Variants in GIPR observed in about 807,000 individuals in gnomAD.
GIPR encodes the protein gastric inhibitory polypeptide receptor, also known as GIP-R.
Under a neutral mutation model 62.2 loss-of-function variants are expected in GIPR, and 74 were observed. The observed-to-expected ratio is 1.19, with a 90% confidence interval of 0.99 to 1.44. GIPR has a LOEUF of 1.44. Among genes scored for constraint, GIPR ranks in the 40% most tolerant of loss-of-function variants. The pLI is 0.00. For missense variants in GIPR, 664 were observed against 611.8 expected (o/e 1.09, Z -0.90); for synonymous variants, 256 against 262.2 (o/e 0.98, Z 0.23).
chr19:45,676,818 T>C lies in GIPR; in HGVS notation c.634-131T>C, dbSNP rs1966952108. 3.7e-6 allele frequency: 3 copies of C among 803,838 alleles called. No individual in the cohort carries two copies. The East Asian group carries it at 7.6e-5, about 20-fold the overall frequency. 49.8% of individuals were successfully genotyped at this position (803,838 alleles called of 1,614,324 possible). ...TGAGAGAAACCAATCACAGATACCATTCACTGGGGACACAGAGTGGAAGAA... is the reference window on the plus strand; with the variant it reads ...TGAGAGAAACCAATCACAGATACCACTCACTGGGGACACAGAGTGGAAGAA... On this transcript the variant is annotated intron_variant, in intron 7 of 13. Coordinates refer to ENST00000590918, the MANE Select transcript of GIPR (RefSeq NM_000164.4).
At chr19:45,677,459 T>C (rs1967009440) in intron 9 of GIPR, 76 bp downstream of exon 9, 1 of 1,074,792 alleles carries the variant, frequency 9.3e-7, no homozygotes, top group Non-Finnish European at 1.4e-6. Flanking sequence ...GTGATGGACA[T>C]GTGGGCAGGG....
chr19:45,676,862 G>C (rs1966954468), intron 7 of GIPR, 87 bp from the exon 8 acceptor site: 1 of 1,172,188 alleles, frequency 8.5e-7, no homozygotes, highest in Admixed American at 1.7e-5. Flanking sequence ...GGCAAGAGAC[G>C]GGGTGGAAGG....
chr19:45,677,947 G>T lies in GIPR; in HGVS notation c.966G>T (p.Leu322=). Residue 322 remains leucine (L), a synonymous_variant, in exon 11 of 14, where the codon CTG becomes CTT. Transcript: ENST00000590918. ...TTATCCGCATTCTTGGCATTCTCCT[G>T]TCCAAGCTGAGGACACGGCAAATGC... ...LIFIRILGIL[L]SKLRTRQMRC... is the part of the protein sequence containing the mutation. 5 of 1,614,024 alleles carry T rather than the reference G, an allele frequency of 3.1e-6. No homozygotes were observed. Among genetic ancestry groups the T allele is most frequent in the Non-Finnish European group, 4.2e-6 (5 of 1,180,024 alleles).
Position 45,669,455 on chromosome 19 carries a change from ACCTTG to A in GIPR, c.-44-19_-44-15del. ...TTGGAGTAGGAGGGCAGAGGTGCTG[ACCTTG>A]CCCTGGGACCCTCCAGGCCTGATCG... On this transcript the variant is annotated splice_polypyrimidine_tract_variant and intron_variant, in intron 1 of 13. Transcript: ENST00000590918. 6.5e-7 allele frequency: 1 copy of A among 1,538,770 alleles called. No individual in the cohort carries two copies. The highest frequency in any genetic ancestry group is 8.7e-7 in the Non-Finnish European group (1 of 1,145,842).
intron 6 of GIPR, chr19:45,674,454 A>G (rs1975723453): frequency 4.8e-6 from 3 of 625,158 alleles, no homozygotes; most frequent in Non-Finnish European, 5.7e-6. Flanking sequence ...CGACAAATAA[A>G]ATTAGCTAGG....
chr19:45,670,806 G>A (rs1480578873), intron 3 of GIPR, 72 bp downstream of exon 3: 1 of 908,238 alleles, frequency 1.1e-6, no homozygotes. Context: ...TGGGCCTTGG[G>A]CTGACGGGCG....
At chr19:45,671,260 A>G in intron 3 of GIPR, 25 bp from the exon 4 acceptor site, 1 of 1,409,580 alleles carries the variant, frequency 7.1e-7, no homozygotes, top group Non-Finnish European at 1.0e-6. Context: ...TCCACTGGGC[A>G]CCTGGCCCCC....
intron 7 of GIPR, among the ~76,000 whole-genome samples, chr19:45,676,536 C>T (rs891615328): frequency 2.1e-5 from 3 of 144,336 alleles, no homozygotes; most frequent in Non-Finnish European, 4.5e-5. Context: ...CGGGTTCAAG[C>T]GATTCTCCTG....
intron 6 of GIPR, 107 bp from the exon 7 acceptor site, chr19:45,674,575 C>T: frequency 9.9e-7 from 1 of 1,014,718 alleles, no homozygotes; most frequent in South Asian, 1.3e-5. Context: ...TCACTGCATT[C>T]TAGCCTGGGT....
chr19:45,671,467 C>T lies in GIPR; in HGVS notation c.280+75C>T, dbSNP rs1975537584. 18 of 889,078 alleles carry T rather than the reference C, an allele frequency of 2.0e-5. No individual in the cohort carries two copies. In the South Asian group the frequency reaches 2.4e-4, roughly 12 times the overall value. The allele number at this position is 889,078 out of a possible 1,614,324, so 55.1% of individuals were successfully genotyped here. A position where few individuals can be genotyped will look rare whatever the true frequency, so the allele number is the denominator to read the frequency against. ...AACCTTTGCCCCCAGACACCTACAT[C>T]CGAGTCCCACAGCTCACCTGCACCC... On this transcript the variant is annotated intron_variant, in intron 4 of 13. Coordinates refer to ENST00000590918, the MANE Select transcript of GIPR (RefSeq NM_000164.4).
chr19:45,681,688 C>A, intron 13 of GIPR, 41 bp from the exon 14 acceptor site: 1 of 1,610,552 alleles, frequency 6.2e-7, no homozygotes, highest in Non-Finnish European at 8.5e-7. Context: ...CTGGCGGCAG[C>A]GCGGGGTACG....
At chr19:45,671,029 G>C (rs1015879671) in intron 3 of GIPR, among the ~76,000 whole-genome samples, 2 of 152,032 alleles carry the variant, frequency 1.3e-5, no homozygotes, top group African/African-American at 4.8e-5. Context: ...GGACGATCTG[G>C]GGCGGGGACT....
chr19:45,672,337 C>G (rs1263750237), intron 4 of GIPR, among the ~76,000 whole-genome samples: 1 of 151,886 alleles, frequency 6.6e-6, no homozygotes, highest in Non-Finnish European at 1.5e-5. Flanking sequence ...GAGACAGAGT[C>G]TCGCTTTGTT....
Position 45,681,845 on chromosome 19 carries a change from G to A in GIPR, c.1311G>A (p.Pro437=). The A allele has an allele frequency of 1.3e-6, 2 of 1,554,076 alleles. No homozygotes were observed. The highest frequency in any genetic ancestry group is 1.7e-6 in the Non-Finnish European group (2 of 1,148,478). Reference sequence around the variant, plus strand: ...GGGCCCTGCCCTCCGGCTCCGGCCCGGGCGAGGTCCCCACCAGCCGCGGCT... The same window carrying A: ...GGGCCCTGCCCTCCGGCTCCGGCCCAGGCGAGGTCCCCACCAGCCGCGGCT... ...AFRALPSGSG[P]GEVPTSRGLS... is the part of the protein sequence containing the mutation. Residue 437 remains proline, a synonymous_variant, in exon 14 of 14, where the codon CCG becomes CCA. Coordinates refer to ENST00000590918, the MANE Select transcript of GIPR (RefSeq NM_000164.4).
intron 1 of GIPR, 141 bp from the exon 2 acceptor site, chr19:45,669,336 G>C: frequency 2.6e-6 from 2 of 766,092 alleles, no homozygotes; most frequent in African/African-American, 1.7e-5. Flanking sequence ...TGGGAGTTGC[G>C]GGAGCGGGTG....
chr19:45,670,628 T>C lies in GIPR; in HGVS notation c.73-7T>C, dbSNP rs1568516671. On this transcript the variant is annotated splice_region_variant and splice_polypyrimidine_tract_variant and intron_variant, in intron 2 of 13. Coordinates refer to ENST00000590918, the MANE Select transcript of GIPR (RefSeq NM_000164.4). ...CTGGGGGGGTCCTCCCTTCTTTCTT[T>C]TCCTAGACAGGCTCTAAGGGGCAGA... 1 of 1,607,160 alleles carries C rather than the reference T, an allele frequency of 6.2e-7. No individual in the cohort carries two copies. Among genetic ancestry groups the C allele is most frequent in the African/African-American group, 1.3e-5 (1 of 74,698 alleles).
chr19:45,677,100 T>A lies in GIPR; in HGVS notation c.785T>A (p.Leu262His), dbSNP rs200562041. ...EEGHFRYYLL[L>H]GWGAPALFVI... is the part of the protein sequence containing the mutation. ...GGCCACTTCCGCTACTACCTGCTCC[T>A]CGGCTGGGGTGAGCTCCGATCCCGT... Residue 262 changes from leucine (L) to histidine (H), a missense_variant, in exon 8 of 14, where the codon CTC becomes CAC. Physicochemically the swap from Leu to His is moderately conservative, Grantham distance 99 (BLOSUM62 -3). Transcript: ENST00000590918. The A allele has an allele frequency of 9.7e-5, 157 of 1,613,594 alleles. No individual in the cohort carries two copies. In the East Asian group the frequency reaches 3.3e-3, roughly 34 times the overall value.
At chr19:45,675,429 G>A (rs1025333367) in intron 7 of GIPR, 1 of 153,440 alleles carries the variant, frequency 6.5e-6, no homozygotes, top group Non-Finnish European at 1.4e-5. Flanking sequence ...ACAAAAATTA[G>A]CTGGGTGTGG....
Position 45,681,731 on chromosome 19 carries a change from G to A in GIPR, c.1197G>A (p.Val399=). The A allele has an allele frequency of 3.1e-6, 5 of 1,611,112 alleles. No individual in the cohort carries two copies. Among genetic ancestry groups the A allele is most frequent in the East Asian group, 4.5e-5 (2 of 44,818 alleles). ...CTCTGAGCGCCATCGTCTCACAGGTGCAGTCGGAGATCCGCCGTGGCTGGC... is the reference window on the plus strand; with the variant it reads ...CTCTGAGCGCCATCGTCTCACAGGTACAGTCGGAGATCCGCCGTGGCTGGC... The part of the protein sequence containing the change: ...SVLYCFINKE[V]QSEIRRGWHH... The change falls in exon 14 of 14, where the codon GTG becomes GTA. Residue 399 remains valine, a splice_region_variant and synonymous_variant. Transcript: ENST00000590918.
Sources: allele counts gnomAD v4.1 joint callset (sites outside exome capture counted in the v4.1 genomes callset), GRCh38; gene constraint gnomAD v4.1.1; transcripts MANE v1.5; gene names NCBI Gene and HGNC (gene_info 2026-07-23, HGNC 2026-07-21).